Variants in GGA2 observed in about 807,000 individuals in gnomAD.
GGA2 encodes golgi associated, gamma adaptin ear containing, ARF binding protein 2, also known as ADP-ribosylation factor-binding protein GGA2.
GGA2 carries 48 observed loss-of-function variants against 79.5 expected under a neutral mutation model. The ratio of observed to expected loss-of-function variants is 0.60; its 90% confidence interval spans 0.48 to 0.77. GGA2 has a LOEUF of 0.77. Among genes scored for constraint, GGA2 ranks in the 30% least tolerant of loss-of-function variants. The probability of loss-of-function intolerance (pLI) is 0.00; values close to 1 mark genes in which losing one functional copy is unlikely to be tolerated. For missense variants in GGA2, 770 were observed against 774.0 expected (o/e 0.99, Z 0.06); for synonymous variants, 317 against 302.0 (o/e 1.05, Z -0.51).
chr16:23,488,490 G>C (rs1964742894), intron 6 of GGA2, 116 bp downstream of exon 6: 2 of 733,126 alleles, frequency 2.7e-6, no homozygotes, highest in Non-Finnish European at 4.9e-6. Context: ...GGCCTGTCTG[G>C]AGAGGAGAAC....
intron 9 of GGA2, among the ~76,000 whole-genome samples, chr16:23,482,092 T>C (rs1157706121): frequency 6.6e-6 from 1 of 151,920 alleles, no homozygotes; most frequent in Non-Finnish European, 1.5e-5. Context: ...AATGGTGAAA[T>C]GTCATCTTAC....
rs992295084 is a variant in GGA2 at position 23,465,644 on chromosome 16, T to C, written c.*1946A>G. 30 of 523,858 alleles carry C rather than the reference T, an allele frequency of 5.7e-5. No homozygotes were observed. Among genetic ancestry groups the C allele is most frequent in the Non-Finnish European group, 9.5e-5 (28 of 293,300 alleles). The allele number at this position is 523,858 out of a possible 1,614,324, so 32.5% of individuals were successfully genotyped here. On this transcript the variant is annotated 3_prime_UTR_variant, in exon 17 of 17. Coordinates refer to ENST00000309859, the MANE Select transcript of GGA2 (RefSeq NM_015044.4). The stretch of plus-strand genomic sequence containing the variant: ...GACTACGCAACAGTAACAGAGCCTA[T>C]AAAAGCTACACAGAGGCCGGGTGCG...
intron 10 of GGA2, chr16:23,480,378 T>G (rs1964631892): frequency 2.5e-6 from 1 of 401,406 alleles, no homozygotes; most frequent in Non-Finnish European, 4.5e-6. Flanking sequence ...AGCTCCTGTA[T>G]GCAAGCATTT....
At chr16:23,498,742 G>A (rs1454202918) in intron 1 of GGA2, among the ~76,000 whole-genome samples, 1 of 152,130 alleles carries the variant, frequency 6.6e-6, no homozygotes, top group Admixed American at 6.6e-5. Flanking sequence ...ATGTAGACAT[G>A]TCTTGTCCTA....
In GGA2 at chr16:23,491,729, C is replaced by G; in HGVS notation, c.423G>C (p.Trp141Cys). The G allele has an allele frequency of 6.2e-7, 1 of 1,612,172 alleles. No individual in the cohort carries two copies. The highest frequency in any genetic ancestry group is 1.1e-5 in the South Asian group (1 of 91,038). Residue 141 changes from tryptophan (W) to cysteine (C), a missense_variant, in exon 5 of 17, where the codon TGG (tryptophan) becomes TGC (cysteine). Coordinates refer to ENST00000309859, the MANE Select transcript of GGA2 (RefSeq NM_015044.4). ...VIEILFSWTVWFPEDIKIRDA... is the reference protein window; with the variant it reads ...VIEILFSWTVCFPEDIKIRDA... The stretch of plus-strand genomic sequence containing the variant: ...CTCGAATCTTGATGTCTTCCGGAAA[C>G]CAGACTGTCCAACTGAAGAGTATTT...
rs1393064992 is a variant in GGA2 at position 23,465,417 on chromosome 16, C to G, written c.*2173G>C. The G allele has an allele frequency of 5.7e-6, 4 of 702,898 alleles. No individual in the cohort carries two copies. Among genetic ancestry groups the G allele is most frequent in the Non-Finnish European group, 1.0e-5 (4 of 384,850 alleles). 43.5% of individuals were successfully genotyped at this position (702,898 alleles called of 1,614,324 possible). ...CAGCAGCCTGCCTCCTCTCCTCCTA[C>G]CCCTATCCTGTCCAACACCTAAGCA... On this transcript the variant is annotated 3_prime_UTR_variant, in exon 17 of 17. Transcript: ENST00000309859.
At chr16:23,475,333 G>A (rs1275527815) in intron 13 of GGA2, among the ~76,000 whole-genome samples, 1 of 151,614 alleles carries the variant, frequency 6.6e-6, no homozygotes, top group Non-Finnish European at 1.5e-5. Context: ...GGGATTACAG[G>A]CACCTGCCAC....
chr16:23,514,521 C>T (rs1965092625), upstream of GGA2, among the ~76,000 whole-genome samples: 1 of 152,108 alleles, frequency 6.6e-6, no homozygotes, highest in African/African-American at 2.4e-5. Flanking sequence ...CACCAGAGCT[C>T]ACTGCAGCCT....
rs1357491139 is a variant in GGA2 at position 23,465,679 on chromosome 16, G to C, written c.*1911C>G. On this transcript the variant is annotated 3_prime_UTR_variant, in exon 17 of 17. Coordinates refer to ENST00000309859, the MANE Select transcript of GGA2 (RefSeq NM_015044.4). ...ACAGAGGCCGGGTGCGGTGGCTCAC[G>C]CCTGTAATCCCAGCACTCTGGGAGG... 4.8e-5 allele frequency: 19 copies of C among 399,862 alleles called. No homozygotes were observed. Among genetic ancestry groups the C allele is most frequent in the Non-Finnish European group, 8.6e-5 (19 of 220,242 alleles). 24.8% of individuals were successfully genotyped at this position (399,862 alleles called of 1,614,324 possible).
chr16:23,491,735 T>A lies in GGA2; in HGVS notation c.417A>T (p.Thr139=). ...TCTTGATGTCTTCCGGAAACCAGACTGTCCAACTGAAGAGTATTTCAATGA... is the reference window on the plus strand; with the variant it reads ...TCTTGATGTCTTCCGGAAACCAGACAGTCCAACTGAAGAGTATTTCAATGA... ...GRVIEILFSW[T]VWFPEDIKIR... The change falls in exon 5 of 17, where the codon ACA becomes ACT. Residue 139 remains threonine (T), a synonymous_variant. Coordinates refer to ENST00000309859, the MANE Select transcript of GGA2 (RefSeq NM_015044.4). 6.2e-7 allele frequency: 1 copy of A among 1,611,742 alleles called. No individual in the cohort carries two copies. Among genetic ancestry groups the A allele is most frequent in the Non-Finnish European group, 8.5e-7 (1 of 1,177,814 alleles).
intron 1 of GGA2, 100 bp from the exon 2 acceptor site, chr16:23,495,878 C>T: frequency 1.4e-6 from 1 of 692,202 alleles, no homozygotes; most frequent in Non-Finnish European, 2.5e-6. Context: ...CACAGATCTA[C>T]AGGATCAGAC....
chr16:23,478,496 A>G lies in GGA2; in HGVS notation c.1164T>C (p.Ser388=). The change falls in exon 13 of 17, where the codon TCT becomes TCC. Residue 388 remains serine (S), a synonymous_variant. Transcript: ENST00000309859. ...TCTTTTCCTCACAGCAATTCTGACC[A>G]GAAACCTGTCAAATCAGGAATGGCT... ...ISDAPVTGMV[S]GQNCCEEKRN... The G allele has an allele frequency of 6.2e-7, 1 of 1,605,926 alleles. No homozygotes were observed. The highest frequency in any genetic ancestry group is 8.5e-7 in the Non-Finnish European group (1 of 1,174,520).
At chr16:23,482,854 G>A in intron 9 of GGA2, 69 bp downstream of exon 9, 1 of 918,006 alleles carries the variant, frequency 1.1e-6, no homozygotes, top group Non-Finnish European at 1.8e-6. Flanking sequence ...TGGCACAGCA[G>A]TGTGACAGGA....
chr16:23,465,287 T>C lies in GGA2; in HGVS notation c.*2303A>G. The stretch of plus-strand genomic sequence containing the variant: ...GGCGTGAGCCACTGTGCACAGCCAA[T>C]AACTACTTGTTAAGTGAATGAAGAG... On this transcript the variant is annotated 3_prime_UTR_variant, in exon 17 of 17. Coordinates refer to ENST00000309859, the MANE Select transcript of GGA2 (RefSeq NM_015044.4). 4.3e-6 allele frequency: 3 copies of C among 701,836 alleles called. No homozygotes were observed. Among genetic ancestry groups the C allele is most frequent in the Non-Finnish European group, 7.8e-6 (3 of 384,304 alleles). 43.5% of individuals were successfully genotyped at this position (701,836 alleles called of 1,614,324 possible).
rs745371160 is a variant in GGA2 at position 23,493,414 on chromosome 16, G to A, written c.297C>T (p.Ser99=). 7.4e-6 allele frequency: 12 copies of A among 1,612,208 alleles called. No homozygotes were observed. In the East Asian group the frequency reaches 1.1e-4, roughly 15 times the overall value. ...CMNHCGEKFH[S]EVAKFRFLNE... ...TCAGGAAACGAAATTTGGCCACCTC[G>A]CTGTGGAACTTCTCCCCACAGTGGT... is the stretch of plus-strand genomic sequence containing the variant. Residue 99 remains serine (S), a synonymous_variant, in exon 4 of 17, where the codon AGC becomes AGT. Transcript: ENST00000309859.
upstream of GGA2, chr16:23,524,093 T>C (rs1965183896): frequency 2.1e-6 from 1 of 475,610 alleles, no homozygotes; most frequent in Non-Finnish European, 3.8e-6. Context: ...TTCTGTGAAC[T>C]AACTCCAAAC....
chr16:23,469,065 G>T, intron 15 of GGA2, 69 bp from the exon 16 acceptor site: 3 of 996,624 alleles, frequency 3.0e-6, no homozygotes, highest in African/African-American at 1.6e-5. Flanking sequence ...GATCAGGTGA[G>T]GGGGAGCTGG....
chr16:23,524,315 T>C, upstream of GGA2: 2 of 1,505,698 alleles, frequency 1.3e-6, no homozygotes, highest in Non-Finnish European at 1.8e-6. Context: ...CTCTGAAAGC[T>C]GTTTCTAAGC....
intron 5 of GGA2, among the ~76,000 whole-genome samples, chr16:23,489,774 A>G (rs1964759710): frequency 1.3e-5 from 2 of 152,236 alleles, no homozygotes; most frequent in African/African-American, 4.8e-5. Context: ...GCTCACGAAA[A>G]CAGCGGGAAG....
Sources: gnomAD v4.1 joint callset for allele counts (sites outside exome capture counted in the v4.1 genomes callset) on GRCh38, gnomAD v4.1.1 for gene constraint, MANE v1.5 for transcripts, NCBI Gene and HGNC (gene_info 2026-07-23, HGNC 2026-07-21) for gene names.